ROCK1: variants seen among roughly 807,000 people sequenced by gnomAD.
ROCK1 encodes Rho associated coiled-coil containing protein kinase 1.
ROCK1 carries 36 observed loss-of-function variants against 196.8 expected under a neutral mutation model. That is an observed-to-expected ratio of 0.18 (90% CI 0.14 to 0.24). The LOEUF is 0.24. Among genes scored for constraint, ROCK1 ranks in the 10% least tolerant of loss-of-function variants. The pLI, the probability that ROCK1 is intolerant of heterozygous loss-of-function variation, is 1.00. For synonymous variants in ROCK1, 443 were observed against 515.9 expected (o/e 0.86, Z 1.91); for missense variants, 920 against 1,562.0 (o/e 0.59, Z 6.93).
intron 1 of ROCK1, among the ~76,000 whole-genome samples, chr18:21,106,198 G>A (rs1455157094): frequency 6.6e-6 from 1 of 152,212 alleles, no homozygotes; most frequent in Non-Finnish European, 1.5e-5. Context: ...GTTCTTAACA[G>A]GCATCATGAA....
intron 13 of ROCK1, among the ~76,000 whole-genome samples, chr18:21,012,780 G>T (rs1361843460): frequency 6.6e-6 from 1 of 151,978 alleles, no homozygotes; most frequent in Non-Finnish European, 1.5e-5. Flanking sequence ...GAATTTTATT[G>T]TTATAGTTCT....
chr18:21,008,768 T>C (rs990058435), intron 13 of ROCK1, among the ~76,000 whole-genome samples: 2 of 152,214 alleles, frequency 1.3e-5, no homozygotes, highest in Non-Finnish European at 2.9e-5. Context: ...GAGTTTATCA[T>C]TCTAACTTTT....
At chr18:20,990,141 T>C (rs571283439) in intron 18 of ROCK1, among the ~76,000 whole-genome samples, 73 of 152,158 alleles carry the variant, frequency 4.8e-4, no homozygotes, top group African/African-American at 1.7e-3. Context: ...AGATAATGCA[T>C]TGGACTAACA....
chr18:21,090,979 T>A (rs531155904), intron 1 of ROCK1, among the ~76,000 whole-genome samples: 1 of 152,282 alleles, frequency 6.6e-6, no homozygotes, highest in East Asian at 1.9e-4. Context: ...TCTGTGAAAA[T>A]ATCTGTTTTT....
At chr18:21,006,326 T>G in intron 16 of ROCK1, 25 bp downstream of exon 16, 3 of 1,574,530 alleles carry the variant, frequency 1.9e-6, no homozygotes, top group Non-Finnish European at 2.6e-6. Flanking sequence ...TACGTATATT[T>G]TACCACAATA....
chr18:21,009,611 T>C (rs1256102186), intron 13 of ROCK1, among the ~76,000 whole-genome samples: 2 of 152,188 alleles, frequency 1.3e-5, no homozygotes, highest in Admixed American at 1.3e-4. Context: ...ACATGTTTAG[T>C]TTTTCAGGAA....
chr18:21,084,088 G>A (rs2036505470), intron 1 of ROCK1, among the ~76,000 whole-genome samples: 6 of 152,104 alleles, frequency 3.9e-5, no homozygotes. Context: ...AGAGAATCAA[G>A]TGGGAGCCCC....
Position 20,966,904 on chromosome 18 carries a change from G to A in ROCK1, c.3352+13C>T, listed in dbSNP as rs2035379072. 1.3e-6 allele frequency: 2 copies of A among 1,594,016 alleles called. No homozygotes were observed. The highest frequency in any genetic ancestry group is 2.7e-5 in the African/African-American group (2 of 74,364). ...CATTTATACATGTTTGAATGATACA[G>A]AATTATTCTTACCTGGGAGGTTACC... On this transcript the variant is annotated intron_variant, in intron 27 of 32. Transcript: ENST00000399799.
chr18:21,073,941 C>A (rs1050547032), intron 1 of ROCK1, among the ~76,000 whole-genome samples: 3 of 152,174 alleles, frequency 2.0e-5, no homozygotes, highest in South Asian at 2.1e-4. Flanking sequence ...TCACTTGAAA[C>A]CAGGAGTTCA....
At chr18:20,959,233 CAG>C (rs2035302437) in intron 29 of ROCK1, among the ~76,000 whole-genome samples, 1 of 88,996 alleles carries the variant, frequency 1.1e-5, no homozygotes, top group African/African-American at 4.5e-5. Flanking sequence ...TTTTTTGAGA[CAG>C]AGTTTCGCTC....
chr18:20,979,701 A>C (rs2143384100), intron 22 of ROCK1, among the ~76,000 whole-genome samples: 1 of 152,272 alleles, frequency 6.6e-6, no homozygotes, highest in East Asian at 1.9e-4. Flanking sequence ...AGTTTAATGA[A>C]TCTCTGCAAT....
chr18:21,014,948 T>A (rs183392759), intron 13 of ROCK1, among the ~76,000 whole-genome samples: 1 of 152,348 alleles, frequency 6.6e-6, no homozygotes, highest in East Asian at 1.9e-4. Flanking sequence ...ATGCTTGTTA[T>A]TGTTTCTCTG....
At chr18:21,008,441 T>C (rs2035787220) in intron 13 of ROCK1, among the ~76,000 whole-genome samples, 1 of 152,222 alleles carries the variant, frequency 6.6e-6, no homozygotes, top group African/African-American at 2.4e-5. Context: ...GTCCAGCTAA[T>C]TTTTCTATTT....
chr18:20,965,593 T>C (rs1016593842), intron 27 of ROCK1, among the ~76,000 whole-genome samples: 1 of 152,174 alleles, frequency 6.6e-6, no homozygotes, highest in African/African-American at 2.4e-5. Context: ...CAAACACTTC[T>C]AAAAGTCATA....
chr18:21,042,752 T>C (rs764928974), intron 6 of ROCK1, 43 bp from the exon 7 acceptor site: 3 of 1,552,582 alleles, frequency 1.9e-6, no homozygotes, highest in Admixed American at 2.0e-5. Flanking sequence ...GGATATAAAG[T>C]CTCAATTATT....
intron 9 of ROCK1, among the ~76,000 whole-genome samples, chr18:21,038,887 T>C (rs756368091): frequency 2.6e-5 from 4 of 152,232 alleles, no homozygotes; most frequent in Non-Finnish European, 5.9e-5. Context: ...TGAATCATCT[T>C]GTAATTTTAA....
At chr18:20,988,528 T>C (rs2035596324) in intron 18 of ROCK1, among the ~76,000 whole-genome samples, 1 of 152,182 alleles carries the variant, frequency 6.6e-6, no homozygotes, top group Admixed American at 6.5e-5. Context: ...AATGATCTTT[T>C]AAAAATATAA....
chr18:20,981,187 G>A (rs2035529295), intron 21 of ROCK1, among the ~76,000 whole-genome samples: 1 of 152,044 alleles, frequency 6.6e-6, no homozygotes, highest in African/African-American at 2.4e-5. Context: ...GGGGTCAGGA[G>A]ATCGAAACCA....
At chr18:20,981,320 G>A (rs1174599628) in intron 21 of ROCK1, among the ~76,000 whole-genome samples, 1 of 152,040 alleles carries the variant, frequency 6.6e-6, no homozygotes, top group Admixed American at 6.5e-5. Flanking sequence ...CGTGAACCCG[G>A]GAGGCAGAGC....
Sources: gnomAD v4.1 joint callset for allele counts (sites outside exome capture counted in the v4.1 genomes callset) on GRCh38, gnomAD v4.1.1 for gene constraint, MANE v1.5 for transcripts, NCBI Gene and HGNC (gene_info 2026-07-23, HGNC 2026-07-21) for gene names.